RMDN2: variants seen among roughly 807,000 people sequenced by gnomAD.
The protein encoded by RMDN2 is regulator of microtubule dynamics protein 2.
In RMDN2, 61 loss-of-function variants were observed where a neutral mutation model predicts 52.8. That is an observed-to-expected ratio of 1.16 (90% CI 0.94 to 1.43). RMDN2 has a LOEUF of 1.43. RMDN2 is among the 40% of genes most tolerant of loss of function. The pLI, the probability that RMDN2 is intolerant of heterozygous loss-of-function variation, is 0.00. For synonymous variants in RMDN2, 180 were observed against 153.1 expected (o/e 1.18, Z -1.30); for missense variants, 592 against 475.3 (o/e 1.25, Z -2.28).
rs1323982198 is a variant in RMDN2, at chr2:37,997,461, T to C, written c.991T>C (p.Phe331Leu). The C allele has an allele frequency of 6.2e-7, 1 of 1,613,832 alleles. No individual in the cohort carries two copies. The highest frequency in any genetic ancestry group is 8.5e-7 in the Non-Finnish European group (1 of 1,179,884). The change falls in exon 8 of 11, where the codon TTT becomes CTT. Residue 331 changes from phenylalanine to leucine, a missense_variant. Coordinates refer to ENST00000354545, the MANE Select transcript of RMDN2 (RefSeq NM_001170791.3). ...TGAGAAAAAAATGGCTGCTACTCTG[T>C]TTGGAAAAATACCATCTTCAACTGT... ...WIEKKMAATL[F>L]GKIPSSTVQE...
At chr2:37,958,953 G>A (rs1286161543) in intron 2 of RMDN2, among the ~76,000 whole-genome samples, 3 of 150,928 alleles carry the variant, frequency 2.0e-5, no homozygotes, top group Admixed American at 6.6e-5. Context: ...GATGGATTAC[G>A]TTTATTGACT....
At chr2:37,996,399 A>G (rs1200158931) in intron 7 of RMDN2, among the ~76,000 whole-genome samples, 1 of 152,074 alleles carries the variant, frequency 6.6e-6, no homozygotes, top group Non-Finnish European at 1.5e-5. Flanking sequence ...AGCCTGGACA[A>G]TATAGGAAGA....
intron 2 of RMDN2, chr2:37,951,356 T>C: frequency 6.2e-7 from 1 of 1,613,316 alleles, no homozygotes; most frequent in Non-Finnish European, 8.5e-7. Context: ...ATAAAACATC[T>C]TATTCCCCTG....
chr2:38,023,632 A>G (rs1679554049), intron 10 of RMDN2, among the ~76,000 whole-genome samples: 1 of 152,222 alleles, frequency 6.6e-6, no homozygotes. Flanking sequence ...TGATTGGGAA[A>G]TTAACAAGAA....
At chr2:38,016,177 C>A (rs975363950) in intron 10 of RMDN2, among the ~76,000 whole-genome samples, 15 of 152,192 alleles carry the variant, frequency 9.9e-5, no homozygotes, top group African/African-American at 3.6e-4. Flanking sequence ...ATACTGAATG[C>A]TCGGCATCAG....
chr2:37,951,635 TGCCATTTTTTTTGATCCTCAAGCAAGTG>T, intron 2 of RMDN2: 1 of 1,613,406 alleles, frequency 6.2e-7, no homozygotes, highest in Non-Finnish European at 8.5e-7. Flanking sequence ...ATTACAAGAG[TGCCATTTTTTTTGATCCTCAAGCAAGTG>T]GCCAGAATGT....
intron 2 of RMDN2, chr2:37,952,526 G>T (rs1465063190): frequency 2.4e-6 from 1 of 417,962 alleles, no homozygotes; most frequent in Non-Finnish European, 4.2e-6. Context: ...ATCAAGCCTT[G>T]ATGTATGGAC....
At chr2:38,059,588 C>T (rs1288706916) in intron 10 of RMDN2, among the ~76,000 whole-genome samples, 1 of 152,048 alleles carries the variant, frequency 6.6e-6, no homozygotes, top group Admixed American at 6.6e-5. Flanking sequence ...GCGTAGGGAA[C>T]AGAAAAAGTA....
upstream of RMDN2, among the ~76,000 whole-genome samples, chr2:37,921,368 G>C (rs563132299): frequency 5.9e-4 from 90 of 152,242 alleles, no homozygotes; most frequent in African/African-American, 2.1e-3. Context: ...TCTAGAGACT[G>C]CCTAATTTTT....
chr2:37,933,868 T>C (rs527377416), intron 2 of RMDN2, among the ~76,000 whole-genome samples: 36 of 152,360 alleles, frequency 2.4e-4, no homozygotes, highest in African/African-American at 8.4e-4. Context: ...AGAAACTCAC[T>C]TTTTAAATAA....
At chr2:38,044,232 A>T (rs538360292) in intron 10 of RMDN2, among the ~76,000 whole-genome samples, 1 of 151,884 alleles carries the variant, frequency 6.6e-6, no homozygotes, top group Admixed American at 6.5e-5. Context: ...TTCTTCCTTG[A>T]TAAGAAATCT....
intron 2 of RMDN2, among the ~76,000 whole-genome samples, chr2:37,964,306 T>TAAGC (rs1317934464): frequency 6.6e-6 from 1 of 152,282 alleles, no homozygotes; most frequent in Admixed American, 6.5e-5. Flanking sequence ...TCTTTTAATG[T>TAAGC]AAGCATTTCC....
chr2:37,930,653 G>T (rs1666656569), intron 2 of RMDN2, among the ~76,000 whole-genome samples: 1 of 152,214 alleles, frequency 6.6e-6, no homozygotes, highest in Non-Finnish European at 1.5e-5. Context: ...GAGGGCAGGG[G>T]ACTAGGATCC....
upstream of RMDN2, among the ~76,000 whole-genome samples, chr2:37,925,162 G>A (rs562943663): frequency 6.6e-6 from 1 of 152,302 alleles, no homozygotes; most frequent in Admixed American, 6.5e-5. Context: ...CCCGCGACGT[G>A]CAATTTTATT....
At chr2:38,016,311 G>A (rs1464778605) in intron 10 of RMDN2, among the ~76,000 whole-genome samples, 1 of 152,206 alleles carries the variant, frequency 6.6e-6, no homozygotes, top group African/African-American at 2.4e-5. Flanking sequence ...ATGAGTATGA[G>A]GAAGTTGTCA....
At chr2:37,984,154 G>A (rs183167611) in intron 5 of RMDN2, among the ~76,000 whole-genome samples, 88 of 152,246 alleles carry the variant, frequency 5.8e-4, no homozygotes, top group Non-Finnish European at 1.1e-3. Flanking sequence ...TAATGACTTA[G>A]TTTTATCTCT....
intron 2 of RMDN2, among the ~76,000 whole-genome samples, chr2:37,953,277 C>T (rs1286196233): frequency 6.6e-6 from 1 of 151,952 alleles, no homozygotes; most frequent in Non-Finnish European, 1.5e-5. Flanking sequence ...ACAGCCATCA[C>T]CACCATCCGT....
At chr2:38,059,668 C>T (rs1681964774) in intron 10 of RMDN2, among the ~76,000 whole-genome samples, 1 of 152,106 alleles carries the variant, frequency 6.6e-6, no homozygotes, top group African/African-American at 2.4e-5. Context: ...TCAGAGGAGG[C>T]TTCATTAGAG....
chr2:38,064,181 C>T (rs1682172453), intron 10 of RMDN2, among the ~76,000 whole-genome samples: 1 of 152,102 alleles, frequency 6.6e-6, no homozygotes, highest in African/African-American at 2.4e-5. Flanking sequence ...CTTGAATAAG[C>T]TCAATTTGTA....
Sources: gnomAD v4.1 joint callset for allele counts (sites outside exome capture counted in the v4.1 genomes callset) on GRCh38, gnomAD v4.1.1 for gene constraint, MANE v1.5 for transcripts, NCBI Gene and HGNC (gene_info 2026-07-23, HGNC 2026-07-21) for gene names.